The following CDK17 variants were observed in gnomAD, a reference collection of about 807,000 sequenced individuals.
CDK17 encodes the protein cyclin-dependent kinase 17.
In CDK17, 24 loss-of-function variants were observed where a neutral mutation model predicts 77.6. The ratio of observed to expected loss-of-function variants is 0.31; its 90% CI spans 0.22 to 0.44. CDK17 has a LOEUF of 0.44. Among genes scored for constraint, CDK17 ranks in the 20% least tolerant of loss-of-function variants. CDK17 has a pLI of 1.00. For synonymous variants in CDK17, 203 were observed against 210.4 expected (o/e 0.96, Z 0.30); for missense variants, 429 against 622.5 (o/e 0.69, Z 3.31).
intron 1 of CDK17, among the ~76,000 whole-genome samples, chr12:96,382,672 AAGCTT>A (rs1953903074): frequency 6.6e-6 from 1 of 152,210 alleles, no homozygotes; most frequent in Non-Finnish European, 1.5e-5. Context: ...ATAATTAAGT[AAGCTT>A]TGTTCCTGGG....
chr12:96,390,298 T>C (rs1954046835), intron 1 of CDK17, among the ~76,000 whole-genome samples: 1 of 151,016 alleles, frequency 6.6e-6, no homozygotes, highest in African/African-American at 2.4e-5. Context: ...CCGGCTAATT[T>C]TTTTGTATTT....
At chr12:96,361,171 G>A (rs1349096869) in intron 1 of CDK17, among the ~76,000 whole-genome samples, 1 of 152,186 alleles carries the variant, frequency 6.6e-6, no homozygotes, top group Non-Finnish European at 1.5e-5. Context: ...TTCAGAGGGA[G>A]GAAATGGCTA....
At chr12:96,300,507 C>T in intron 5 of CDK17, 147 bp from the exon 6 acceptor site, 1 of 552,268 alleles carries the variant, frequency 1.8e-6, no homozygotes, top group East Asian at 3.3e-5. Context: ...AGTGATTCTC[C>T]TGCCTCAGCC....
At chr12:96,285,599 A>C (rs187464661) in intron 13 of CDK17, 5 of 152,576 alleles carry the variant, frequency 3.3e-5, no homozygotes, top group Admixed American at 2.6e-4. Context: ...AAGAAACTTA[A>C]ATGAATGGCT....
chr12:96,356,484 G>T (rs35374006), intron 1 of CDK17, among the ~76,000 whole-genome samples: 7,837 of 152,072 alleles, frequency 0.052, 265 homozygotes, highest in Non-Finnish European at 0.064. Flanking sequence ...TGTAGAGATG[G>T]AGTTTTGAAC....
chr12:96,297,560 C>G lies in CDK17; in HGVS notation c.810+67G>C, dbSNP rs1250457817. On this transcript the variant is annotated intron_variant, in intron 8 of 16. Transcript: ENST00000261211. ...AGTTTAAAGAAAAATAAAAAACAAACTAAAAGTCCAATTTACTATGTTTTT... is the reference window on the plus strand; with the variant it reads ...AGTTTAAAGAAAAATAAAAAACAAAGTAAAAGTCCAATTTACTATGTTTTT... 3.6e-6 allele frequency: 4 copies of G among 1,105,176 alleles called. No homozygotes were observed. In the African/African-American group the frequency reaches 7.3e-5, roughly 20 times the overall value. The allele number at this position is 1,105,176 out of a possible 1,614,324, so 68.5% of individuals were successfully genotyped here.
intron 1 of CDK17, among the ~76,000 whole-genome samples, chr12:96,392,321 A>G (rs1286714679): frequency 6.6e-6 from 1 of 152,206 alleles, no homozygotes; most frequent in Non-Finnish European, 1.5e-5. Context: ...CATAGTGTCT[A>G]GTACAGAGTA....
At chr12:96,292,116 T>C (rs564416625) in intron 10 of CDK17, among the ~76,000 whole-genome samples, 3 of 152,238 alleles carry the variant, frequency 2.0e-5, no homozygotes, top group African/African-American at 7.2e-5. Context: ...TAATTTGTTA[T>C]TCAAACACAG....
chr12:96,393,974 G>A (rs1284825777), intron 1 of CDK17, among the ~76,000 whole-genome samples: 3 of 151,534 alleles, frequency 2.0e-5, no homozygotes, highest in Non-Finnish European at 4.4e-5. Context: ...TAGACCAGGT[G>A]CAGTGGCTCA....
chr12:96,281,884 G>C (rs1180433418), intron 15 of CDK17: 1 of 152,106 alleles, frequency 6.6e-6, no homozygotes, highest in Non-Finnish European at 1.5e-5. Flanking sequence ...AAAGCTTTTG[G>C]CAGCTTAGTT....
At chr12:96,296,927 T>C (rs138448384) in intron 9 of CDK17, among the ~76,000 whole-genome samples, 108 of 152,300 alleles carry the variant, frequency 7.1e-4, no homozygotes, top group African/African-American at 2.5e-3. Context: ...GTTCACTATT[T>C]AAAGAAGGCC....
chr12:96,295,299 A>G (rs1952388037), intron 9 of CDK17, 177 bp from the exon 10 acceptor site: 3 of 430,060 alleles, frequency 7.0e-6, no homozygotes, highest in Non-Finnish European at 1.2e-5. Context: ...TTCTGAATTT[A>G]ATAGTTTATT....
chr12:96,381,806 T>A (rs963710664), intron 1 of CDK17, among the ~76,000 whole-genome samples: 1 of 150,860 alleles, frequency 6.6e-6, no homozygotes, highest in Non-Finnish European at 1.5e-5. Flanking sequence ...AAAAACCAAA[T>A]ATCAGAAAAA....
At chr12:96,320,220 G>A (rs1952797149) in intron 3 of CDK17, among the ~76,000 whole-genome samples, 1 of 148,646 alleles carries the variant, frequency 6.7e-6, no homozygotes, top group South Asian at 2.2e-4. Context: ...GCTTCAAAGA[G>A]AATAAAATAC....
intron 11 of CDK17, among the ~76,000 whole-genome samples, chr12:96,287,545 A>G (rs1952262130): frequency 6.6e-6 from 1 of 152,158 alleles, no homozygotes; most frequent in Admixed American, 6.5e-5. Context: ...CAGCAATTCT[A>G]CTCCTAGGTA....
At chr12:96,349,950 A>T (rs957996514) in intron 1 of CDK17, among the ~76,000 whole-genome samples, 3 of 152,246 alleles carry the variant, frequency 2.0e-5, no homozygotes, top group African/African-American at 7.2e-5. Context: ...TGCCATGATG[A>T]AATCAGTTGT....
intron 5 of CDK17, among the ~76,000 whole-genome samples, chr12:96,310,615 T>C (rs1034478726): frequency 1.3e-4 from 19 of 151,870 alleles, no homozygotes; most frequent in Admixed American, 1.2e-3. Flanking sequence ...GTTTCTGGGA[T>C]TTCTGAAATT....
At chr12:96,366,900 G>T (rs893587337) in intron 1 of CDK17, among the ~76,000 whole-genome samples, 1 of 151,964 alleles carries the variant, frequency 6.6e-6, no homozygotes, top group African/African-American at 2.4e-5. Context: ...AAACACCTAC[G>T]CATATTTTAA....
rs552396683 is a variant in CDK17 at position 96,345,033 on chromosome 12, A to G, written c.-29-10168T>C. On this transcript the variant is annotated intron_variant, in intron 1 of 16. Transcript: ENST00000261211. Reference sequence around the variant, plus strand: ...GTGTTGTTTCCCTCCCTGTTTCCATATGTTCTCACTGTTCACCTCCCACTT... The same window carrying G: ...GTGTTGTTTCCCTCCCTGTTTCCATGTGTTCTCACTGTTCACCTCCCACTT... Among the ~76,000 whole-genome samples, 11 of 152,130 alleles carry G rather than the reference A, an allele frequency of 7.2e-5. No individual in the cohort carries two copies. In the South Asian group the frequency reaches 1.2e-3, roughly 17 times the overall value.
Sources: gnomAD v4.1 joint callset for allele counts (sites outside exome capture counted in the v4.1 genomes callset) on GRCh38, gnomAD v4.1.1 for gene constraint, MANE v1.5 for transcripts, NCBI Gene and HGNC (gene_info 2026-07-23, HGNC 2026-07-21) for gene names.